The following WDR64 variants were observed in gnomAD, a reference collection of about 807,000 sequenced individuals.
WDR64 encodes the protein WD repeat-containing protein 64.
WDR64 carries 112 observed loss-of-function variants against 139.3 expected under a neutral mutation model. The observed-to-expected ratio is 0.80, with a 90% confidence interval of 0.69 to 0.94. WDR64 has a LOEUF of 0.94. Among genes scored for constraint, WDR64 ranks in the 40% least tolerant of loss-of-function variants. WDR64 has a pLI of 0.00. For synonymous variants in WDR64, 444 were observed against 437.7 expected (o/e 1.01, Z -0.18); for missense variants, 1,206 against 1,293.1 (o/e 0.93, Z 1.03).
chr1:241,700,951 A>G (rs1667687635), intron 8 of WDR64, among the ~76,000 whole-genome samples: 1 of 152,226 alleles, frequency 6.6e-6, no homozygotes, highest in Non-Finnish European at 1.5e-5. Context: ...CACCAGAGAA[A>G]AGGAAAGGCA....
intron 15 of WDR64, among the ~76,000 whole-genome samples, chr1:241,764,146 A>G (rs1277299911): frequency 6.6e-6 from 1 of 152,216 alleles, no homozygotes; most frequent in Non-Finnish European, 1.5e-5. Context: ...AAGACAAACA[A>G]ATAGGTAGGG....
At chr1:241,750,411 C>T (rs1344739110) in intron 14 of WDR64, among the ~76,000 whole-genome samples, 1 of 152,134 alleles carries the variant, frequency 6.6e-6, no homozygotes, top group Non-Finnish European at 1.5e-5. Flanking sequence ...CATGAAGCAC[C>T]AGCTTAAGAT....
chr1:241,688,345 G>A (rs983708016), intron 8 of WDR64, among the ~76,000 whole-genome samples: 1 of 152,158 alleles, frequency 6.6e-6, no homozygotes, highest in Non-Finnish European at 1.5e-5. Flanking sequence ...TAAACTTATT[G>A]TGGCGACTGT....
intron 14 of WDR64, among the ~76,000 whole-genome samples, chr1:241,753,821 T>G (rs970922778): frequency 1.3e-5 from 2 of 152,112 alleles, no homozygotes; most frequent in Non-Finnish European, 2.9e-5. Flanking sequence ...GCAAAAGTTT[T>G]GTGGAAATAA....
chr1:241,692,130 C>T (rs1340722826), intron 8 of WDR64, among the ~76,000 whole-genome samples: 2 of 150,564 alleles, frequency 1.3e-5, no homozygotes, highest in East Asian at 3.9e-4. Context: ...ATGAGGACAA[C>T]CACAAAACTC....
chr1:241,686,287 G>T (rs1428916567), intron 7 of WDR64, among the ~76,000 whole-genome samples: 1 of 152,184 alleles, frequency 6.6e-6, no homozygotes, highest in African/African-American at 2.4e-5. Context: ...CATTCTTGTT[G>T]AATGGGTGGA....
At chr1:241,759,870 A>G (rs1441524264) in intron 15 of WDR64, among the ~76,000 whole-genome samples, 2 of 151,986 alleles carry the variant, frequency 1.3e-5, no homozygotes, top group African/African-American at 4.8e-5. Context: ...TTAAACAATA[A>G]CTCCCTATTT....
At chr1:241,732,753 G>C (rs1669132290) in intron 10 of WDR64, among the ~76,000 whole-genome samples, 1 of 151,996 alleles carries the variant, frequency 6.6e-6, no homozygotes, top group Non-Finnish European at 1.5e-5. Flanking sequence ...CTGAGAGGCA[G>C]AGGTTGCAGT....
rs200605439 is a variant in WDR64 at position 241,660,910 on chromosome 1, C to CTA, written c.276+253_276+254dup. On this transcript the variant is annotated intron_variant, in intron 2 of 27. Coordinates refer to ENST00000437684, the MANE Select transcript of WDR64 (RefSeq NM_001367482.1). ...CAGACCAAGCTGCCAGTAGGAAGAGCTATACATGCCTCTAACAACAACCAA... is the reference window on the plus strand; with the variant it reads ...CAGACCAAGCTGCCAGTAGGAAGAGCTATATACATGCCTCTAACAACAACCAA... 5.9e-3 allele frequency among the ~76,000 whole-genome samples: 901 copies of CTA among 152,266 alleles called. 10 individuals carry two copies. Among genetic ancestry groups the CTA allele is most frequent in the African/African-American group, 0.021 (859 of 41,558 alleles).
intron 9 of WDR64, among the ~76,000 whole-genome samples, chr1:241,717,467 T>C (rs1429049964): frequency 6.6e-6 from 1 of 152,110 alleles, no homozygotes; most frequent in East Asian, 1.9e-4. Context: ...CTCTCCTGCT[T>C]TTTTGTGTGA....
chr1:241,698,772 C>T (rs545205819), intron 8 of WDR64, among the ~76,000 whole-genome samples: 14 of 152,274 alleles, frequency 9.2e-5, no homozygotes, highest in Middle Eastern at 3.4e-3. Context: ...CACTCCTCAG[C>T]ACCTTTCTTC....
intron 13 of WDR64, among the ~76,000 whole-genome samples, chr1:241,746,944 G>A (rs1188753206): frequency 2.0e-5 from 3 of 152,044 alleles, no homozygotes; most frequent in African/African-American, 7.2e-5. Flanking sequence ...ATTTTTAGTA[G>A]AGACAGGGTT....
intron 13 of WDR64, among the ~76,000 whole-genome samples, chr1:241,748,220 C>T (rs1398336056): frequency 1.3e-5 from 2 of 152,240 alleles, no homozygotes; most frequent in African/African-American, 4.8e-5. Flanking sequence ...GCAAATTCTT[C>T]TCTACCTCTT....
chr1:241,694,403 T>C (rs1306912164), intron 8 of WDR64, among the ~76,000 whole-genome samples: 1 of 152,174 alleles, frequency 6.6e-6, no homozygotes, highest in African/African-American at 2.4e-5. Flanking sequence ...TTAAAAACAG[T>C]TTCATTTCTT....
intron 2 of WDR64, among the ~76,000 whole-genome samples, chr1:241,662,933 T>C (rs933749662): frequency 6.6e-6 from 1 of 152,084 alleles, no homozygotes; most frequent in Non-Finnish European, 1.5e-5. Flanking sequence ...TATTTAAAAA[T>C]ACAAAATTCT....
intron 15 of WDR64, among the ~76,000 whole-genome samples, chr1:241,763,661 T>G (rs1276892464): frequency 6.6e-6 from 1 of 152,194 alleles, no homozygotes; most frequent in Non-Finnish European, 1.5e-5. Context: ...GCTGAGATCA[T>G]GCCATTGCAC....
Position 241,796,304 on chromosome 1 carries a change from A to G in WDR64, c.3126A>G (p.Glu1042=). Residue 1042 remains glutamate, a synonymous_variant, in exon 27 of 28, where the codon GAA becomes GAG. Coordinates refer to ENST00000437684, the MANE Select transcript of WDR64 (RefSeq NM_001367482.1). ...SLRFLPLIGV[E]AQKDSSDGIT... is the part of the protein sequence containing the mutation. Reference sequence around the variant, plus strand: ...GATTTCTTCCACTGATTGGCGTAGAAGCCCAAAAGGACTCTTCAGATGGCA... The same window carrying G: ...GATTTCTTCCACTGATTGGCGTAGAGGCCCAAAAGGACTCTTCAGATGGCA... The G allele has an allele frequency of 6.2e-7, 1 of 1,613,946 alleles. No homozygotes were observed. The highest frequency in any genetic ancestry group is 1.3e-5 in the African/African-American group (1 of 74,996).
At chr1:241,718,355 G>A (rs1216538086) in intron 9 of WDR64, among the ~76,000 whole-genome samples, 3 of 152,122 alleles carry the variant, frequency 2.0e-5, no homozygotes, top group Non-Finnish European at 2.9e-5. Flanking sequence ...AAGGCGCTGC[G>A]GAGAGTAATA....
intron 23 of WDR64, among the ~76,000 whole-genome samples, chr1:241,783,796 T>C (rs1658937467): frequency 6.6e-6 from 1 of 152,216 alleles, no homozygotes; most frequent in Admixed American, 6.5e-5. Flanking sequence ...TCATTGACTC[T>C]GTGATGGATT....
Sources: allele counts gnomAD v4.1 joint callset (sites outside exome capture counted in the v4.1 genomes callset), GRCh38; gene constraint gnomAD v4.1.1; transcripts MANE v1.5; gene names NCBI Gene and HGNC (gene_info 2026-07-23, HGNC 2026-07-21).